CACNG3: variants seen among roughly 807,000 people sequenced by gnomAD.
CACNG3 encodes calcium voltage-gated channel auxiliary subunit gamma 3.
Under a neutral mutation model 28.5 loss-of-function variants are expected in CACNG3, and 3 were observed. That is an observed-to-expected ratio of 0.11 (90% CI 0.05 to 0.27). CACNG3 has a LOEUF of 0.27. CACNG3 is among the 10% of genes least tolerant of loss of function. The pLI, the probability that CACNG3 is intolerant of heterozygous loss-of-function variation, is 1.00. For synonymous variants in CACNG3, 174 were observed against 162.2 expected, an observed-to-expected ratio of 1.07 and a Z score of -0.55; for missense variants, 236 against 414.4, an observed-to-expected ratio of 0.57 and a Z score of 3.74.
chr16:24,333,982 A>G (rs1426640494), intron 1 of CACNG3, among the ~76,000 whole-genome samples: 2 of 152,200 alleles, frequency 1.3e-5, no homozygotes, highest in African/African-American at 2.4e-5. Flanking sequence ...AATGTGAACC[A>G]GTGTTGAGAA....
At position 24,256,603 on chromosome 16, in the gene CACNG3, C is replaced by T. The variant is rs1898463409; in HGVS notation, c.-152C>T. ...GGAGAGAGCTCCAGAAAGGAAATCC[C>T]AGCTTTCCCAAAGTCCCTGTGGATG... is the stretch of plus-strand genomic sequence containing the variant. On this transcript the variant is annotated 5_prime_UTR_variant, in exon 1 of 4. Transcript: ENST00000005284. This position sits in a 1 kb window ranked among gnomAD's most constrained non-coding sequence, Gnocchi z 4.6. 1.4e-5 allele frequency: 9 copies of T among 639,810 alleles called. No individual in the cohort carries two copies. In the South Asian group the frequency reaches 1.5e-4, roughly 11 times the overall value. The allele number at this position is 639,810 out of a possible 1,614,324, so 39.6% of individuals were successfully genotyped here.
chr16:24,310,565 AAAAC>A (rs113752473), intron 1 of CACNG3, among the ~76,000 whole-genome samples: 1 of 151,238 alleles, frequency 6.6e-6, no homozygotes, highest in African/African-American at 2.4e-5. Context: ...CTCCATCTCA[AAAAC>A]AAACAAACAA....
intron 1 of CACNG3, among the ~76,000 whole-genome samples, chr16:24,292,031 G>T (rs1555459280): frequency 6.6e-6 from 1 of 152,004 alleles, no homozygotes; most frequent in Non-Finnish European, 1.5e-5. Flanking sequence ...GTAAGTGAGG[G>T]GTGGTTATTG....
intron 1 of CACNG3, among the ~76,000 whole-genome samples, chr16:24,295,725 T>C (rs1899022626): frequency 6.6e-6 from 1 of 152,104 alleles, no homozygotes; most frequent in African/African-American, 2.4e-5. Flanking sequence ...GGCACACACC[T>C]GTAGTCCCAG....
At chr16:24,356,220 T>C (rs1324005910) in intron 3 of CACNG3, among the ~76,000 whole-genome samples, 1 of 152,084 alleles carries the variant, frequency 6.6e-6, no homozygotes, top group Admixed American at 6.6e-5. Context: ...GTGATGACTT[T>C]CAAACTTTGC....
chr16:24,354,963 T>A lies in CACNG3; in HGVS notation c.426T>A (p.Phe142Leu), dbSNP rs1027866883. The A allele has an allele frequency of 6.2e-7, 1 of 1,612,848 alleles. No individual in the cohort carries two copies. The highest frequency in any genetic ancestry group is 8.5e-7 in the Non-Finnish European group (1 of 1,179,934). The change falls in exon 3 of 4, where the codon TTT (phenylalanine) becomes TTA (leucine). Residue 142 changes from phenylalanine (F) to leucine (L), a missense_variant. Physicochemically the swap from Phe to Leu is conservative, Grantham distance 22 (BLOSUM62 0). Around this residue, in one of 2 missense-constraint regions of CACNG3, gnomAD observed 120 missense variants for 263.4 expected, o/e 0.46. Transcript: ENST00000005284. ...HNVILSAGIF[F>L]VSAGLSNIIG... ...TCATTCTCAGCGCGGGCATCTTTTT[T>A]GTCTCTGCAGGTGAGTGTCTGGCCC...
intron 1 of CACNG3, among the ~76,000 whole-genome samples, chr16:24,335,392 T>G (rs1056507303): frequency 6.6e-5 from 10 of 152,058 alleles, no homozygotes; most frequent in Non-Finnish European, 1.3e-4. Context: ...TGCACTCCAT[T>G]CTGGATAACA....
intron 1 of CACNG3, among the ~76,000 whole-genome samples, chr16:24,284,902 T>C (rs1293531047): frequency 6.6e-6 from 1 of 151,896 alleles, no homozygotes; most frequent in African/African-American, 2.4e-5. Flanking sequence ...GATAAAATCA[T>C]TGAAGGGGAA....
At chr16:24,343,476 G>T (rs1899817017) in intron 1 of CACNG3, among the ~76,000 whole-genome samples, 2 of 152,092 alleles carry the variant, frequency 1.3e-5, no homozygotes, top group Non-Finnish European at 1.5e-5. Context: ...ACAATGGATG[G>T]TGTCACTACC....
chr16:24,256,522 G>A lies in CACNG3; in HGVS notation c.-233G>A, dbSNP rs1205038209. 3.7e-6 allele frequency: 2 copies of A among 538,486 alleles called. No individual in the cohort carries two copies. The highest frequency in any genetic ancestry group is 3.2e-5 in the East Asian group (1 of 31,478). The allele number at this position is 538,486 out of a possible 1,614,324, so 33.4% of individuals were successfully genotyped here. ...GACCCTCAGAAGGCAGCAGTGATGC[G>A]GACCAACCCCCCGGAGCCTGCACCC... is the stretch of plus-strand genomic sequence containing the variant. On this transcript the variant is annotated 5_prime_UTR_variant, in exon 1 of 4. Coordinates refer to ENST00000005284, the MANE Select transcript of CACNG3 (RefSeq NM_006539.4). This position sits in a 1 kb window ranked among gnomAD's most constrained non-coding sequence, Gnocchi z 4.6.
chr16:24,281,356 C>G (rs2141351250), intron 1 of CACNG3, among the ~76,000 whole-genome samples: 1 of 150,322 alleles, frequency 6.7e-6, no homozygotes, highest in Admixed American at 6.6e-5. Context: ...CACCACCATA[C>G]CCAGCTAAAT....
chr16:24,305,793 C>G (rs758811451), intron 1 of CACNG3, among the ~76,000 whole-genome samples: 2 of 151,972 alleles, frequency 1.3e-5, no homozygotes, highest in Non-Finnish European at 1.5e-5. Flanking sequence ...GCACATGTAT[C>G]CCAGAACTTA....
At chr16:24,275,112 C>A (rs938813735) in intron 1 of CACNG3, among the ~76,000 whole-genome samples, 6 of 151,994 alleles carry the variant, frequency 3.9e-5, no homozygotes, top group African/African-American at 1.5e-4. Flanking sequence ...ATAATCCCAG[C>A]TACTCAGGAA....
intron 1 of CACNG3, among the ~76,000 whole-genome samples, chr16:24,311,004 G>A (rs781120894): frequency 1.3e-5 from 2 of 152,204 alleles, no homozygotes; most frequent in Non-Finnish European, 2.9e-5. Context: ...CAATGTCCCT[G>A]CACCCGTTTC....
chr16:24,356,522 G>A (rs1900035582), intron 3 of CACNG3, among the ~76,000 whole-genome samples: 1 of 152,042 alleles, frequency 6.6e-6, no homozygotes, highest in South Asian at 2.1e-4. Flanking sequence ...AGGCAACATT[G>A]CAAGACCCGA....
chr16:24,287,301 T>A (rs1267776611), intron 1 of CACNG3, among the ~76,000 whole-genome samples: 1 of 152,020 alleles, frequency 6.6e-6, no homozygotes, highest in Non-Finnish European at 1.5e-5. Flanking sequence ...GTGGATCACT[T>A]GAGGCCAGGA....
intron 3 of CACNG3, among the ~76,000 whole-genome samples, chr16:24,356,204 A>T (rs1451980071): frequency 6.6e-6 from 1 of 152,038 alleles, no homozygotes; most frequent in East Asian, 1.9e-4. Flanking sequence ...ACGGGGCTGG[A>T]CTCTGGTGAT....
intron 1 of CACNG3, among the ~76,000 whole-genome samples, chr16:24,317,627 ACAGACAGAAAGAAAGAAAAGAAAAG>A (rs1899384758): frequency 2.5e-4 from 11 of 44,456 alleles, no homozygotes; most frequent in South Asian, 6.9e-4. Context: ...AGAAAGAAAG[ACAGACAGAAAGAAAGAAAAGAAAAG>A]AAAGAAAGAA....
intron 1 of CACNG3, among the ~76,000 whole-genome samples, chr16:24,272,498 AT>A (rs1377760572): frequency 2.6e-5 from 4 of 152,132 alleles, no homozygotes. Flanking sequence ...TAGACATTTA[AT>A]CATGCACATT....
Sources: gnomAD v4.1 joint callset for allele counts (sites outside exome capture counted in the v4.1 genomes callset) on GRCh38, gnomAD v4.1.1 for gene constraint, gnomAD v4.1.1 regional missense constraint, Gnocchi (gnomAD v3.1) non-coding constraint, MANE v1.5 for transcripts, NCBI Gene and HGNC (gene_info 2026-07-23, HGNC 2026-07-21) for gene names.